Variants in FCHSD2 observed in about 807,000 individuals in gnomAD.
The protein encoded by FCHSD2 is F-BAR and double SH3 domains protein 2.
In FCHSD2, 38 loss-of-function variants were observed where a neutral mutation model predicts 108.1. The ratio of observed to expected loss-of-function variants is 0.35; its 90% CI spans 0.27 to 0.46. The LOEUF (loss-of-function observed/expected upper bound fraction) is 0.46, where lower values mean the gene tolerates loss of function less well. Ranked by LOEUF, FCHSD2 falls within the 20% of genes least tolerant of loss-of-function variation. FCHSD2 has a pLI of 1.00. For synonymous variants in FCHSD2, 279 were observed against 314.7 expected (o/e 0.89, Z 1.20); for missense variants, 751 against 897.8 (o/e 0.84, Z 2.09).
chr11:73,098,825 G>T (rs190220177), intron 2 of FCHSD2, among the ~76,000 whole-genome samples: 50 of 152,162 alleles, frequency 3.3e-4, no homozygotes, highest in Non-Finnish European at 5.4e-4. Flanking sequence ...GAAAACACAG[G>T]GGCAATTCTT....
chr11:73,069,733 A>G (rs953357535), intron 3 of FCHSD2, among the ~76,000 whole-genome samples: 1 of 152,206 alleles, frequency 6.6e-6, no homozygotes, highest in African/African-American at 2.4e-5. Flanking sequence ...TGAAGAAGCA[A>G]TATTTACAGA....
At chr11:72,926,153 CCCAGTAAGGCCCCACCTTCAGG>C (rs1262728266) in intron 8 of FCHSD2, among the ~76,000 whole-genome samples, 1 of 152,120 alleles carries the variant, frequency 6.6e-6, no homozygotes, top group East Asian at 1.9e-4. Context: ...AGGGTGGGTT[CCCAGTAAGGCCCCACCTTCAGG>C]CCAGGGAGGG....
At position 72,921,908 on chromosome 11, in the gene FCHSD2, T is replaced by G; in HGVS notation, c.748A>C (p.Ile250Leu). Residue 250 changes from isoleucine to leucine, a missense_variant, in exon 9 of 20, where the codon ATA (isoleucine) becomes CTA (leucine). Transcript: ENST00000409418. Reference protein sequence around the residue: ...NVYDHLKDYLIAFSRTELETC... With the variant: ...NVYDHLKDYLLAFSRTELETC... ...TCTAGCTCAGTCCGGCTGAAGGCTA[T>G]TAAATAATCCTTGAGATGATCATAC... 4 of 1,601,864 alleles carry G rather than the reference T, an allele frequency of 2.5e-6. No homozygotes were observed. In the South Asian group the frequency reaches 4.5e-5, roughly 18 times the overall value.
chr11:73,075,974 C>T (rs561124983), intron 3 of FCHSD2, among the ~76,000 whole-genome samples: 53 of 151,970 alleles, frequency 3.5e-4, no homozygotes, highest in Middle Eastern at 3.4e-3. Context: ...CAAAAATTAG[C>T]CAGGCATGGT....
chr11:72,958,993 ATGTGTGTGTGTGTG>A (rs59339008), intron 8 of FCHSD2, among the ~76,000 whole-genome samples: 3 of 114,782 alleles, frequency 2.6e-5, no homozygotes, highest in African/African-American at 6.5e-5. Context: ...TCAGTAAGAT[ATGTGTGTGTGTGTG>A]TGTGTGTGTG....
chr11:73,061,122 C>A (rs1859150112), intron 3 of FCHSD2, among the ~76,000 whole-genome samples: 1 of 152,204 alleles, frequency 6.6e-6, no homozygotes, highest in Non-Finnish European at 1.5e-5. Context: ...TGGTTCATCT[C>A]ATTGGGACTG....
chr11:73,072,315 A>G (rs1859456425), intron 3 of FCHSD2, among the ~76,000 whole-genome samples: 4 of 152,086 alleles, frequency 2.6e-5, no homozygotes, highest in Admixed American at 2.6e-4. Context: ...ATAGCCATGA[A>G]AAAGTGAAAC....
intron 2 of FCHSD2, among the ~76,000 whole-genome samples, chr11:73,086,364 G>A (rs1859817248): frequency 6.6e-6 from 1 of 151,986 alleles, no homozygotes; most frequent in Non-Finnish European, 1.5e-5. Flanking sequence ...ACCAAGATAG[G>A]ACCACTGCAC....
At chr11:72,867,815 G>A (rs1854762903) in intron 13 of FCHSD2, 50 bp downstream of exon 13, 4 of 1,544,580 alleles carry the variant, frequency 2.6e-6, no homozygotes, top group Non-Finnish European at 3.5e-6. Context: ...CAGAGTCAAA[G>A]CATGCTTCAG....
rs569061803 is a variant in FCHSD2 at position 73,084,662 on chromosome 11, G to T, written c.120-922C>A. On this transcript the variant is annotated intron_variant, in intron 2 of 19. Transcript: ENST00000409418. ...TCCTGCCTTGGCCTCCCAAAGCATT[G>T]GGATTACTGGCATGGGCCAACGTGC... Among the ~76,000 whole-genome samples the T allele has an allele frequency of 1.4e-4, 21 of 152,292 alleles. No individual in the cohort carries two copies. In the East Asian group the frequency reaches 2.3e-3, roughly 17 times the overall value.
chr11:72,908,751 C>G (rs1469616053), intron 9 of FCHSD2, among the ~76,000 whole-genome samples: 1 of 152,194 alleles, frequency 6.6e-6, no homozygotes, highest in East Asian at 1.9e-4. Flanking sequence ...ACTGCAGCCT[C>G]TGCCTCCCTG....
At chr11:72,962,351 A>C (rs1856832361) in intron 8 of FCHSD2, among the ~76,000 whole-genome samples, 1 of 152,204 alleles carries the variant, frequency 6.6e-6, no homozygotes, top group Non-Finnish European at 1.5e-5. Context: ...AAATTTTCTC[A>C]GTTTAAATTT....
intron 3 of FCHSD2, among the ~76,000 whole-genome samples, chr11:73,055,616 T>C (rs190364265): frequency 6.6e-6 from 1 of 152,348 alleles, no homozygotes; most frequent in East Asian, 1.9e-4. Context: ...ATGTATACAA[T>C]ATATTAGTAC....
chr11:73,014,124 CTT>C lies in FCHSD2; in HGVS notation c.242+1683_242+1684del, dbSNP rs947652108. ...ATCCTTAAGAAAATCTGTGTGGTTTCTTTTTTTTTTTTTTTTTTTTTTTGGGA... is the reference window on the plus strand; with the variant it reads ...ATCCTTAAGAAAATCTGTGTGGTTTCTTTTTTTTTTTTTTTTTTTTTGGGA... On this transcript the variant is annotated intron_variant, in intron 4 of 19. Coordinates refer to ENST00000409418, the MANE Select transcript of FCHSD2 (RefSeq NM_014824.3). Among the ~76,000 whole-genome samples the C allele has an allele frequency of 7.0e-3, 609 of 86,596 alleles. 4 individuals are homozygous for C. Among genetic ancestry groups the C allele is most frequent in the African/African-American group, 0.026 (573 of 21,668 alleles). The allele number at this position is 86,596 out of a possible 152,430, so 56.8% of individuals were successfully genotyped here.
intron 17 of FCHSD2, 105 bp from the exon 18 acceptor site, chr11:72,841,688 T>C: frequency 4.0e-6 from 5 of 1,241,928 alleles, no homozygotes; most frequent in Non-Finnish European, 5.4e-6. Flanking sequence ...AAAGCTAAGC[T>C]GATTGTTGAA....
intron 2 of FCHSD2, among the ~76,000 whole-genome samples, chr11:73,121,656 CAAAAAA>C (rs1323442733): frequency 1.6e-5 from 2 of 127,688 alleles, no homozygotes; most frequent in Non-Finnish European, 3.4e-5. Flanking sequence ...TGTTAAGGGC[CAAAAAA>C]AAAAAAAGTC....
chr11:72,924,426 C>G (rs1254250834), intron 8 of FCHSD2, among the ~76,000 whole-genome samples: 1 of 149,350 alleles, frequency 6.7e-6, no homozygotes. Context: ...TACAGGTGCC[C>G]GCCACCACAC....
chr11:72,888,531 T>A (rs1167831237), intron 11 of FCHSD2, among the ~76,000 whole-genome samples: 1 of 152,068 alleles, frequency 6.6e-6, no homozygotes, highest in Non-Finnish European at 1.5e-5. Flanking sequence ...TAGGTATCAA[T>A]AAATGAAACA....
chr11:73,089,887 C>T (rs551330313), intron 2 of FCHSD2, among the ~76,000 whole-genome samples: 3 of 151,724 alleles, frequency 2.0e-5, no homozygotes, highest in South Asian at 2.1e-4. Flanking sequence ...ATAAAAATTC[C>T]GAGAAAGAGT....
Sources: allele counts gnomAD v4.1 joint callset (sites outside exome capture counted in the v4.1 genomes callset), GRCh38; gene constraint gnomAD v4.1.1; transcripts MANE v1.5; gene names NCBI Gene and HGNC (gene_info 2026-07-23, HGNC 2026-07-21).